CLEC3A: variants seen among roughly 807,000 people sequenced by gnomAD.
CLEC3A encodes the protein C-type lectin domain family 3 member A.
Under a neutral mutation model 20.4 loss-of-function variants are expected in CLEC3A, and 28 were observed. The ratio of observed to expected loss-of-function variants is 1.37; its 90% CI spans 1.02 to 1.88. CLEC3A has a LOEUF of 1.88. Among genes scored for constraint, CLEC3A ranks in the 40% most tolerant of loss-of-function variants. The pLI is 0.00. For missense variants in CLEC3A, 357 were observed against 240.4 expected (o/e 1.48, Z -3.21); for synonymous variants, 110 against 88.1 (o/e 1.25, Z -1.39).
At chr16:78,026,349 C>G (rs991203406) in intron 1 of CLEC3A, among the ~76,000 whole-genome samples, 3 of 152,178 alleles carry the variant, frequency 2.0e-5, no homozygotes, top group Non-Finnish European at 4.4e-5. Flanking sequence ...TCCATGGAAT[C>G]CCCACAAAGA....
Position 78,030,698 on chromosome 16 carries a change from T to G in CLEC3A, c.451T>G (p.Phe151Val). The G allele has an allele frequency of 6.2e-7, 1 of 1,614,152 alleles. No homozygotes were observed. Among genetic ancestry groups the G allele is most frequent in the Non-Finnish European group, 8.5e-7 (1 of 1,180,022 alleles). The change falls in exon 3 of 3, where the codon TTC (phenylalanine) becomes GTC (valine). Residue 151 changes from phenylalanine (F) to valine (V), a missense_variant. Transcript: ENST00000299642. ...FVDVNGIAIS[F>V]LNWDRAQPNG... Reference sequence around the variant, plus strand: ...TGACGTCAACGGAATCGCTATCTCCTTCCTCAACTGGGACCGTGCACAGCC... The same window carrying G: ...TGACGTCAACGGAATCGCTATCTCCGTCCTCAACTGGGACCGTGCACAGCC...
chr16:78,029,021 T>A (rs752972895), intron 2 of CLEC3A: 41 of 417,962 alleles, frequency 9.8e-5, no homozygotes, highest in South Asian at 4.8e-4. Flanking sequence ...AGAAGGTGAG[T>A]TTGGTTCATC....
At chr16:78,028,055 A>G in intron 1 of CLEC3A, 52 bp from the exon 2 acceptor site, 2 of 1,225,690 alleles carry the variant, frequency 1.6e-6, no homozygotes, top group Non-Finnish European at 2.4e-6. Flanking sequence ...ATTTTATTTT[A>G]ATCATACGCT....
At position 78,022,737 on chromosome 16, in the gene CLEC3A, G is replaced by A. The variant is rs374920463; in HGVS notation, c.111G>A (p.Val37=). ...CCAGGAAGCACAGCAAACGTCGAGT[G>A]AGAGGTAATGGGGCTTCTCAATCAA... ...LKARKHSKRR[V]RDKDGDLKTQ... The change falls in exon 1 of 3, where the codon GTG becomes GTA. Residue 37 remains valine (V), a synonymous_variant. Transcript: ENST00000299642. 30 of 1,614,022 alleles carry A rather than the reference G, an allele frequency of 1.9e-5. No homozygotes were observed. The highest frequency in any genetic ancestry group is 2.5e-5 in the Non-Finnish European group (29 of 1,180,020).
chr16:78,027,517 T>C lies in CLEC3A; in HGVS notation c.116-590T>C, dbSNP rs1027534694. Among the ~76,000 whole-genome samples the C allele has an allele frequency of 3.5e-4, 53 of 152,324 alleles. 1 individual carries two copies. Among genetic ancestry groups the C allele is most frequent in the South Asian group, 8.3e-4 (4 of 4,832 alleles). On this transcript the variant is annotated intron_variant, in intron 1 of 2. Transcript: ENST00000299642. ...CAAGCCTAGAGTCACAGGATGTGAC[T>C]GGAGAGACAGAAGGAGCCTCATCTC...
In CLEC3A at chr16:78,030,479, T is replaced by C; in HGVS notation, c.232T>C (p.Cys78Arg). Residue 78 changes from cysteine (C) to arginine (R), a missense_variant, in exon 3 of 3, where the codon TGC (cysteine) becomes CGC (arginine). By Grantham distance (180) the Cys-to-Arg change is radical (BLOSUM62 -3). Transcript: ENST00000299642. ...CLRGTKVHKK[C>R]YLASEGLKHF... Reference sequence around the variant, plus strand: ...CCGAGGCACTAAAGTTCACAAGAAATGCTACCTTGCTTCAGAAGGTTTGAA... The same window carrying C: ...CCGAGGCACTAAAGTTCACAAGAAACGCTACCTTGCTTCAGAAGGTTTGAA... 1 of 1,611,056 alleles carries C rather than the reference T, an allele frequency of 6.2e-7. No homozygotes were observed. Among genetic ancestry groups the C allele is most frequent in the African/African-American group, 1.3e-5 (1 of 74,892 alleles).
chr16:78,027,155 T>A (rs150593275), intron 1 of CLEC3A, among the ~76,000 whole-genome samples: 5 of 152,298 alleles, frequency 3.3e-5, no homozygotes, highest in African/African-American at 1.2e-4. Context: ...GAACACCTAT[T>A]ATGTACCAAG....
At chr16:78,029,529 C>T (rs2030022798) in intron 2 of CLEC3A, among the ~76,000 whole-genome samples, 4 of 152,024 alleles carry the variant, frequency 2.6e-5, no homozygotes, top group Admixed American at 2.6e-4. Flanking sequence ...CCACCACATC[C>T]AGCTAATTTT....
chr16:78,027,492 C>G (rs964622139), intron 1 of CLEC3A, among the ~76,000 whole-genome samples: 1 of 152,202 alleles, frequency 6.6e-6, no homozygotes, highest in Non-Finnish European at 1.5e-5. Flanking sequence ...TGAAAGTCAA[C>G]AAGCCTAGAG....
At chr16:78,024,677 A>G (rs1172397349) in intron 1 of CLEC3A, among the ~76,000 whole-genome samples, 1 of 152,158 alleles carries the variant, frequency 6.6e-6, no homozygotes, top group Admixed American at 6.5e-5. Flanking sequence ...ATATACTTTT[A>G]AAATAGTTTA....
At chr16:78,024,212 A>C (rs1021512165) in intron 1 of CLEC3A, among the ~76,000 whole-genome samples, 4 of 152,118 alleles carry the variant, frequency 2.6e-5, no homozygotes, top group Admixed American at 6.5e-5. Context: ...GACATGGTAC[A>C]TTTCTGTAGC....
At chr16:78,023,816 G>T in intron 1 of CLEC3A, among the ~76,000 whole-genome samples, 1 of 149,256 alleles carries the variant, frequency 6.7e-6, no homozygotes, top group East Asian at 2.0e-4. Context: ...GGAGGGCAGT[G>T]ACACAATCTT....
chr16:78,027,763 C>G (rs932954414), intron 1 of CLEC3A, among the ~76,000 whole-genome samples: 1 of 152,146 alleles, frequency 6.6e-6, no homozygotes, highest in African/African-American at 2.4e-5. Flanking sequence ...TGAAGCAGTT[C>G]TCATGCCTCA....
At chr16:78,028,846 G>A (rs1044997619) in intron 2 of CLEC3A, among the ~76,000 whole-genome samples, 4 of 152,326 alleles carry the variant, frequency 2.6e-5, no homozygotes, top group South Asian at 4.1e-4. Context: ...CTGAAGTTAC[G>A]GCTTTCCATC....
intron 1 of CLEC3A, among the ~76,000 whole-genome samples, chr16:78,027,177 G>A (rs1366800645): frequency 6.6e-6 from 1 of 152,032 alleles, no homozygotes; most frequent in Non-Finnish European, 1.5e-5. Flanking sequence ...ATCATGTTAA[G>A]CATCAGAAGA....
At chr16:78,026,303 C>G (rs999973100) in intron 1 of CLEC3A, among the ~76,000 whole-genome samples, 1 of 152,214 alleles carries the variant, frequency 6.6e-6, no homozygotes, top group Non-Finnish European at 1.5e-5. Context: ...GAATTTTAGA[C>G]TGTCCTGAAA....
Position 78,030,992 on chromosome 16 carries a change from G to T in CLEC3A, c.*151G>T. 1.2e-6 allele frequency: 1 copy of T among 840,288 alleles called. No homozygotes were observed. Among genetic ancestry groups the T allele is most frequent in the Non-Finnish European group, 1.8e-6 (1 of 563,134 alleles). 52.1% of individuals were successfully genotyped at this position (840,288 alleles called of 1,614,324 possible). A position where few individuals can be genotyped will look rare whatever the true frequency, so the allele number is the denominator to read the frequency against. On this transcript the variant is annotated 3_prime_UTR_variant, in exon 3 of 3. Coordinates refer to ENST00000299642, the MANE Select transcript of CLEC3A (RefSeq NM_005752.6). ...CAATATGATAGCATCAGCCAATTTT[G>T]CTAACACATTTCTTTGGGATTTTGC...
intron 1 of CLEC3A, among the ~76,000 whole-genome samples, chr16:78,025,078 G>C (rs866041330): frequency 1.3e-5 from 2 of 152,118 alleles, no homozygotes; most frequent in Non-Finnish European, 2.9e-5. Flanking sequence ...TCAGGTGATG[G>C]GATTGCAGGC....
chr16:78,029,503 G>T (rs973602050), intron 2 of CLEC3A, among the ~76,000 whole-genome samples: 2 of 151,862 alleles, frequency 1.3e-5, no homozygotes, highest in African/African-American at 4.8e-5. Flanking sequence ...TGAGTAGCTG[G>T]GATTATAGGC....
Sources: allele counts gnomAD v4.1 joint callset (sites outside exome capture counted in the v4.1 genomes callset), GRCh38; gene constraint gnomAD v4.1.1; transcripts MANE v1.5; gene names NCBI Gene and HGNC (gene_info 2026-07-23, HGNC 2026-07-21).